Variants in ARID2 observed in about 807,000 individuals in gnomAD.
ARID2 encodes the protein AT-rich interaction domain 2.
A neutral mutation model predicts 184.6 loss-of-function variants in ARID2; 32 were observed. That is an observed-to-expected ratio of 0.17 (90% CI 0.13 to 0.23). The LOEUF is 0.23. ARID2 is among the 10% of genes least tolerant of loss of function. The pLI is 1.00. For missense variants in ARID2, 1,696 were observed against 2,197.6 expected (o/e 0.77, Z 4.56); for synonymous variants, 836 against 772.6 (o/e 1.08, Z -1.36).
At chr12:45,738,405 C>T (rs888146235) in intron 3 of ARID2, among the ~76,000 whole-genome samples, 3 of 152,128 alleles carry the variant, frequency 2.0e-5, no homozygotes, top group Non-Finnish European at 4.4e-5. Flanking sequence ...ACCTTCACCT[C>T]CTGGGTTCCA....
At chr12:45,738,779 C>CTTTTTTTTTTTTTTTTTTTTTTTTT (rs11333868) in intron 3 of ARID2, among the ~76,000 whole-genome samples, 1 of 62,304 alleles carries the variant, frequency 1.6e-5, no homozygotes. Flanking sequence ...ATATGGGCTA[C>CTTTTTTTTTTTTTTTTTTTTTTTTT]TTTTTTTTTT....
At chr12:45,795,234 CA>C (rs1942367649) in intron 3 of ARID2, among the ~76,000 whole-genome samples, 1 of 152,146 alleles carries the variant, frequency 6.6e-6, no homozygotes, top group South Asian at 2.1e-4. Flanking sequence ...CCATCTAGAA[CA>C]TTGACCCTGT....
At chr12:45,779,924 G>A (rs1942057689) in intron 3 of ARID2, among the ~76,000 whole-genome samples, 1 of 152,056 alleles carries the variant, frequency 6.6e-6, no homozygotes, top group Non-Finnish European at 1.5e-5. Context: ...AACTTATTAA[G>A]ATTATGTCAT....
chr12:45,904,176 G>A (rs1261319032), intron 20 of ARID2, among the ~76,000 whole-genome samples: 2 of 152,032 alleles, frequency 1.3e-5, no homozygotes, highest in East Asian at 3.9e-4. Flanking sequence ...ATGGCTAATG[G>A]GGCATTTAGG....
At chr12:45,775,999 G>A (rs1237028725) in intron 3 of ARID2, 1 of 165,764 alleles carries the variant, frequency 6.0e-6, no homozygotes, top group Non-Finnish European at 1.5e-5. Flanking sequence ...TACAATGTTA[G>A]GCAAGAGAGT....
rs3948491 is a variant in ARID2 at position 45,830,889 on chromosome 12, C to T, written c.706-5700C>T. The stretch of plus-strand genomic sequence containing the variant: ...TGGCCAACATGGCAAAAGCCCATCT[C>T]TACTAAAAATACAAAAAAATTAGCT... On this transcript the variant is annotated intron_variant, in intron 6 of 20. Coordinates refer to ENST00000334344, the MANE Select transcript of ARID2 (RefSeq NM_152641.4). Among the ~76,000 whole-genome samples, 11 of 152,032 alleles carry T rather than the reference C, an allele frequency of 7.2e-5. No homozygotes were observed. The South Asian group carries it at 2.1e-3, about 29-fold the overall frequency.
chr12:45,832,754 A>G (rs1943144739), intron 6 of ARID2, among the ~76,000 whole-genome samples: 1 of 152,214 alleles, frequency 6.6e-6, no homozygotes, highest in Admixed American at 6.5e-5. Flanking sequence ...AAAGCAATTT[A>G]AAAAACAGTA....
At chr12:45,842,659 A>G (rs1449490897) in intron 11 of ARID2, among the ~76,000 whole-genome samples, 1 of 151,946 alleles carries the variant, frequency 6.6e-6, no homozygotes, top group Non-Finnish European at 1.5e-5. Flanking sequence ...CAGGAGGCTG[A>G]GGCAGGAGAA....
At chr12:45,847,059 A>G in intron 12 of ARID2, 122 bp downstream of exon 12, 1 of 750,394 alleles carries the variant, frequency 1.3e-6, no homozygotes, top group Non-Finnish European at 2.1e-6. Context: ...TTAGAGTAGA[A>G]TATCATTTAC....
At chr12:45,815,137 A>T (rs1486870579) in intron 4 of ARID2, among the ~76,000 whole-genome samples, 1 of 152,216 alleles carries the variant, frequency 6.6e-6, no homozygotes, top group Non-Finnish European at 1.5e-5. Flanking sequence ...TGCGACAGAT[A>T]AGGAATACGG....
intron 3 of ARID2, among the ~76,000 whole-genome samples, chr12:45,785,671 CA>C (rs1942183542): frequency 6.6e-6 from 1 of 152,060 alleles, no homozygotes; most frequent in South Asian, 2.1e-4. Flanking sequence ...TTTGAATTTT[CA>C]GATTAGAGAA....
rs2138130415 is a variant in ARID2 at position 45,837,366 on chromosome 12, C to A, written c.1069C>A (p.His357Asn). ...TTTCAAAACTACTCATCTGATGTTTCATACTGTTACAAAATGTCTAATGTC... is the reference window on the plus strand; with the variant it reads ...TTTCAAAACTACTCATCTGATGTTTAATACTGTTACAAAATGTCTAATGTC... ...VDFKTTHLMF[H>N]TVTKCLMSRD... The change falls in exon 9 of 21, where the codon CAT becomes AAT. Residue 357 changes from histidine to asparagine, a missense_variant. By Grantham distance (68) the His-to-Asn change is moderately conservative (BLOSUM62 1). Coordinates refer to ENST00000334344, the MANE Select transcript of ARID2 (RefSeq NM_152641.4). The A allele has an allele frequency of 6.2e-7, 1 of 1,612,152 alleles. No individual in the cohort carries two copies.
chr12:45,757,603 A>G (rs1228052905), intron 3 of ARID2, among the ~76,000 whole-genome samples: 1 of 152,366 alleles, frequency 6.6e-6, no homozygotes, highest in Non-Finnish European at 1.5e-5. Context: ...AGGAGAAGCC[A>G]AGTTTTAGTG....
intron 16 of ARID2, among the ~76,000 whole-genome samples, chr12:45,869,363 A>G (rs900652494): frequency 6.6e-6 from 1 of 151,382 alleles, no homozygotes; most frequent in Non-Finnish European, 1.5e-5. Context: ...GATAGTGAGC[A>G]CTTTTTTTTA....
rs757157257 is a variant in ARID2, at chr12:45,851,108, A to G, written c.2985A>G (p.Gln995=). ...CCATGTCGTCGTCCTCTACCCCTCA[A>G]TCACAGGGACCACCTCCTACTGTCA... The part of the protein sequence containing the change: ...PTAMSSSSTP[Q]SQGPPPTVSQ... The change falls in exon 15 of 21, where the codon CAA becomes CAG. Residue 995 remains glutamine (Q), a synonymous_variant. Coordinates refer to ENST00000334344, the MANE Select transcript of ARID2 (RefSeq NM_152641.4). The G allele has an allele frequency of 1.2e-6, 2 of 1,614,010 alleles. No individual in the cohort carries two copies. The highest frequency in any genetic ancestry group is 1.7e-6 in the Non-Finnish European group (2 of 1,179,990).
At chr12:45,830,910 T>C (rs1407452181) in intron 6 of ARID2, among the ~76,000 whole-genome samples, 1 of 152,010 alleles carries the variant, frequency 6.6e-6, no homozygotes, top group Admixed American at 6.6e-5. Flanking sequence ...ACAAAAAAAT[T>C]AGCTGGGCAT....
At chr12:45,900,721 A>G (rs1383067042) in intron 20 of ARID2, among the ~76,000 whole-genome samples, 2 of 152,136 alleles carry the variant, frequency 1.3e-5, no homozygotes, top group Non-Finnish European at 2.9e-5. Context: ...AAGACCCTAC[A>G]TGCCTAAAAA....
chr12:45,842,390 A>T (rs1045079772), intron 11 of ARID2, among the ~76,000 whole-genome samples: 1 of 151,792 alleles, frequency 6.6e-6, no homozygotes, highest in Admixed American at 6.6e-5. Context: ...ACACACATAC[A>T]TATATTTTAT....
intron 16 of ARID2, chr12:45,881,911 C>A: frequency 4.9e-6 from 1 of 204,438 alleles, no homozygotes; most frequent in Non-Finnish European, 1.0e-5. Flanking sequence ...ACCCCAGAGC[C>A]GTGGAACATG....
Sources: gnomAD v4.1 joint callset for allele counts (sites outside exome capture counted in the v4.1 genomes callset) on GRCh38, gnomAD v4.1.1 for gene constraint, MANE v1.5 for transcripts, NCBI Gene and HGNC (gene_info 2026-07-23, HGNC 2026-07-21) for gene names.